FGF12: variants seen among roughly 807,000 people sequenced by gnomAD.
The protein encoded by FGF12 is fibroblast growth factor 12.
FGF12 carries 14 observed loss-of-function variants against 23.6 expected under a neutral mutation model. That is an observed-to-expected ratio of 0.59 (90% CI 0.39 to 0.93). FGF12 has a LOEUF of 0.93. FGF12 is among the 40% of genes least tolerant of loss of function. The pLI, the probability that FGF12 is intolerant of heterozygous loss-of-function variation, is 0.00. For synonymous variants in FGF12, 62 were observed against 77.3 expected, an observed-to-expected ratio of 0.80 and a Z score of 1.04; for missense variants, 175 against 217.8, an observed-to-expected ratio of 0.80 and a Z score of 1.24.
At chr3:192,314,281 T>C (rs974886073) in intron 4 of FGF12, among the ~76,000 whole-genome samples, 2 of 147,594 alleles carry the variant, frequency 1.4e-5, no homozygotes, top group South Asian at 2.2e-4. Context: ...AATTAAAAAT[T>C]AAAATTAAAA....
intron 2 of FGF12, among the ~76,000 whole-genome samples, chr3:192,642,570 T>C (rs1322607707): frequency 1.3e-5 from 2 of 152,240 alleles, no homozygotes; most frequent in Non-Finnish European, 1.5e-5. Context: ...TTCTTTTGTT[T>C]AAAATTTATA....
intron 2 of FGF12, among the ~76,000 whole-genome samples, chr3:192,563,450 A>T (rs1482521712): frequency 1.3e-5 from 2 of 152,208 alleles, no homozygotes; most frequent in South Asian, 4.1e-4. Context: ...GTTTGTTACC[A>T]GCTGCTGCCA....
intron 2 of FGF12, among the ~76,000 whole-genome samples, chr3:192,505,312 G>A (rs537329473): frequency 2.0e-4 from 31 of 152,282 alleles, no homozygotes; most frequent in African/African-American, 7.0e-4. Flanking sequence ...CCTCATTCCC[G>A]CTGCTTCAGA....
At chr3:192,228,743 T>C (rs1345481414) in intron 4 of FGF12, among the ~76,000 whole-genome samples, 1 of 152,100 alleles carries the variant, frequency 6.6e-6, no homozygotes, top group Non-Finnish European at 1.5e-5. Context: ...CCTTAGGGCA[T>C]AGAACCATTA....
intron 2 of FGF12, among the ~76,000 whole-genome samples, chr3:192,503,573 T>G (rs969691123): frequency 1.8e-5 from 1 of 56,790 alleles, no homozygotes; most frequent in African/African-American, 5.0e-5. Flanking sequence ...GTTTTTGTTT[T>G]GGTTTTTTTT....
chr3:192,360,348 T>C lies in FGF12; in HGVS notation c.124+80A>G, dbSNP rs1718661054. The C allele has an allele frequency of 1.0e-6, 1 of 964,020 alleles. No individual in the cohort carries two copies. The highest frequency in any genetic ancestry group is 1.6e-5 in the African/African-American group (1 of 61,904). 59.7% of individuals were successfully genotyped at this position (964,020 alleles called of 1,614,324 possible). The stretch of plus-strand genomic sequence containing the variant: ...GAAAGGCATAGTTTGGTAAGGCAGC[T>C]TAGCAATGCTTTAAGTATAAGATAC... On this transcript the variant is annotated intron_variant, in intron 3 of 5. Transcript: ENST00000445105. This position sits in a 1 kb window ranked among gnomAD's most constrained non-coding sequence, Gnocchi z 4.3.
In FGF12 at chr3:192,624,346, T is replaced by C. The variant is rs1715088052; in HGVS notation, c.13+102835A>G. Among the ~76,000 whole-genome samples the C allele has an allele frequency of 2.0e-5, 3 of 152,128 alleles. No homozygotes were observed. The South Asian group carries it at 6.2e-4, about 32-fold the overall frequency. ...TTAGATGAATATCTAAATATTAATTTACAATTGTCATGCACATACCTATAT... is the reference window on the plus strand; with the variant it reads ...TTAGATGAATATCTAAATATTAATTCACAATTGTCATGCACATACCTATAT... On this transcript the variant is annotated intron_variant, in intron 2 of 5. Coordinates refer to ENST00000445105, the MANE Select transcript of FGF12 (RefSeq NM_004113.6).
chr3:192,463,622 A>G (rs1275708566), intron 2 of FGF12, among the ~76,000 whole-genome samples: 1 of 152,122 alleles, frequency 6.6e-6, no homozygotes, highest in Non-Finnish European at 1.5e-5. Context: ...TTGATTCCCA[A>G]AAACCACCCG....
At chr3:192,697,007 T>G (rs1052471353) in intron 2 of FGF12, among the ~76,000 whole-genome samples, 1 of 152,144 alleles carries the variant, frequency 6.6e-6, no homozygotes, top group African/African-American at 2.4e-5. Flanking sequence ...CCCCCCACAC[T>G]ACCCTGAAGA....
chr3:192,489,503 A>T (rs1391215280), intron 2 of FGF12, among the ~76,000 whole-genome samples: 1 of 152,048 alleles, frequency 6.6e-6, no homozygotes, highest in Non-Finnish European at 1.5e-5. Context: ...CAGGTAACTA[A>T]TCATAATCAA....
chr3:192,611,831 T>A (rs1467371381), intron 2 of FGF12, among the ~76,000 whole-genome samples: 1 of 152,016 alleles, frequency 6.6e-6, no homozygotes, highest in Admixed American at 6.6e-5. Flanking sequence ...ACAGTAGTCA[T>A]CTGTGAAAGG....
chr3:192,647,486 G>A (rs1417273377), intron 2 of FGF12, among the ~76,000 whole-genome samples: 1 of 151,836 alleles, frequency 6.6e-6, no homozygotes, highest in Non-Finnish European at 1.5e-5. Context: ...AAGAAACCTA[G>A]TGACTTATCA....
At chr3:192,617,596 T>A (rs1326633861) in intron 2 of FGF12, among the ~76,000 whole-genome samples, 1 of 152,108 alleles carries the variant, frequency 6.6e-6, no homozygotes, top group Non-Finnish European at 1.5e-5. Context: ...GACCAATCCC[T>A]CTCAAACTTA....
At chr3:192,296,523 C>A (rs528031812) in intron 4 of FGF12, among the ~76,000 whole-genome samples, 1 of 152,234 alleles carries the variant, frequency 6.6e-6, no homozygotes, top group Non-Finnish European at 1.5e-5. Flanking sequence ...TGTGCCCAGC[C>A]TCATTTTATT....
intron 3 of FGF12, among the ~76,000 whole-genome samples, chr3:192,342,247 A>C (rs1045461295): frequency 5.3e-5 from 8 of 152,200 alleles, no homozygotes; most frequent in African/African-American, 1.7e-4. Flanking sequence ...AACTTTTCTC[A>C]GTCATATTTT....
intron 2 of FGF12, among the ~76,000 whole-genome samples, chr3:192,366,859 C>A (rs1346224101): frequency 6.6e-6 from 1 of 152,028 alleles, no homozygotes; most frequent in African/African-American, 2.4e-5. Context: ...AAGAAGCAGC[C>A]AATTTGTTCT....
At chr3:192,285,990 T>C (rs1325415325) in intron 4 of FGF12, among the ~76,000 whole-genome samples, 1 of 151,982 alleles carries the variant, frequency 6.6e-6, no homozygotes, top group Non-Finnish European at 1.5e-5. Flanking sequence ...CACAATCAAT[T>C]AAACAAAAAT....
chr3:192,439,976 G>GAAAAAAAAAAAAAAAAA (rs5855427), intron 2 of FGF12, among the ~76,000 whole-genome samples: 5 of 114,170 alleles, frequency 4.4e-5, no homozygotes, highest in African/African-American at 1.7e-4. Flanking sequence ...ACTCCATATG[G>GAAAAAAAAAAAAAAAAA]AAAAAAAAAA....
At chr3:192,176,862 G>GA (rs1386381515) in intron 4 of FGF12, among the ~76,000 whole-genome samples, 5 of 152,100 alleles carry the variant, frequency 3.3e-5, no homozygotes, top group African/African-American at 1.2e-4. Context: ...AGTTATTCAA[G>GA]AAAAAATATT....
Sources: allele counts gnomAD v4.1 joint callset (sites outside exome capture counted in the v4.1 genomes callset), GRCh38; gene constraint gnomAD v4.1.1; non-coding constraint Gnocchi (gnomAD v3.1); transcripts MANE v1.5; gene names NCBI Gene and HGNC (gene_info 2026-07-23, HGNC 2026-07-21).